HSPA12A: variants seen among roughly 807,000 people sequenced by gnomAD.
HSPA12A encodes the protein heat shock 70 kDa protein 12A.
A neutral mutation model predicts 69.2 loss-of-function variants in HSPA12A; 28 were observed. The ratio of observed to expected loss-of-function variants is 0.40; its 90% confidence interval spans 0.30 to 0.55. HSPA12A has a LOEUF of 0.55. HSPA12A is among the 20% of genes least tolerant of loss of function. The probability of loss-of-function intolerance (pLI) is 0.38; values close to 1 mark genes in which losing one functional copy is unlikely to be tolerated. For missense variants in HSPA12A, 686 were observed against 900.7 expected, an observed-to-expected ratio of 0.76 and a Z score of 3.05; for synonymous variants, 345 against 370.5, an observed-to-expected ratio of 0.93 and a Z score of 0.79.
intron 2 of HSPA12A, among the ~76,000 whole-genome samples, chr10:116,834,399 C>A (rs1339062739): frequency 6.6e-6 from 1 of 152,178 alleles, no homozygotes. Flanking sequence ...CTTTCTCAGT[C>A]TTTCTCTTTT....
chr10:116,737,698 C>G (rs1554886553), intron 1 of HSPA12A, among the ~76,000 whole-genome samples: 1 of 152,180 alleles, frequency 6.6e-6, no homozygotes, highest in Admixed American at 6.5e-5. Flanking sequence ...TCAGGATTGC[C>G]CAGAAGGGGT....
At chr10:116,685,048 T>C (rs1199109348) in intron 6 of HSPA12A, among the ~76,000 whole-genome samples, 2 of 152,332 alleles carry the variant, frequency 1.3e-5, no homozygotes, top group South Asian at 4.2e-4. Context: ...GCCAGCCCGA[T>C]GGACCACGGA....
At chr10:116,734,473 A>AC (rs1554886230) in intron 1 of HSPA12A, among the ~76,000 whole-genome samples, 1 of 149,334 alleles carries the variant, frequency 6.7e-6, no homozygotes, top group East Asian at 2.0e-4. Flanking sequence ...AAAAAGCAAA[A>AC]CCCATCCAGG....
At chr10:116,677,449 T>A (rs1238434633) in intron 10 of HSPA12A, among the ~76,000 whole-genome samples, 1 of 152,242 alleles carries the variant, frequency 6.6e-6, no homozygotes, top group African/African-American at 2.4e-5. Context: ...TGGTATGGAA[T>A]GACCCCATGG....
At chr10:116,834,067 A>G (rs938158949) in intron 2 of HSPA12A, among the ~76,000 whole-genome samples, 16 of 152,198 alleles carry the variant, frequency 1.1e-4, no homozygotes, top group Admixed American at 4.6e-4. Flanking sequence ...GCAGTAAAAG[A>G]AAAAGGATCA....
At chr10:116,833,647 C>T (rs982768810) in intron 2 of HSPA12A, among the ~76,000 whole-genome samples, 7 of 152,208 alleles carry the variant, frequency 4.6e-5, no homozygotes, top group African/African-American at 1.7e-4. Context: ...ATGTGACAGG[C>T]ACTGTCTATC....
At chr10:116,849,715 A>G (rs1205371814) in exon 1 of HSPA12A, 1 of 1,530,826 alleles carries the variant, frequency 6.5e-7, no homozygotes, top group East Asian at 2.5e-5. Flanking sequence ...CAGCCTGCCG[A>G]CGTCTACGGG....
chr10:116,711,239 C>T (rs1900508), intron 1 of HSPA12A, among the ~76,000 whole-genome samples: 85,767 of 151,920 alleles, frequency 0.56, 24,880 homozygotes, highest in South Asian at 0.71. Flanking sequence ...ACATCTCCCT[C>T]GGGACTACTC....
At position 116,737,924 on chromosome 10, in the gene HSPA12A, G is replaced by A. The variant is rs542907655; in HGVS notation, c.40+4506C>T. On this transcript the variant is annotated intron_variant, in intron 1 of 11. Coordinates refer to ENST00000369209, the MANE Select transcript of HSPA12A (RefSeq NM_025015.3). ...GAGCACTGCCTGTGCTTCCTTGGTC[G>A]TCTCCTCGCTGGCCCCGCTCACTCC... is the stretch of plus-strand genomic sequence containing the variant. Among the ~76,000 whole-genome samples the A allele has an allele frequency of 1.8e-4, 28 of 152,318 alleles. No individual in the cohort carries two copies. In the South Asian group the frequency reaches 2.7e-3, roughly 15 times the overall value.
At chr10:116,773,436 G>A (rs374004908) in intron 2 of HSPA12A, among the ~76,000 whole-genome samples, 4 of 152,240 alleles carry the variant, frequency 2.6e-5, no homozygotes, top group African/African-American at 7.2e-5. Context: ...GGAGCTGTGC[G>A]TCACTCAAAG....
intron 1 of HSPA12A, among the ~76,000 whole-genome samples, chr10:116,847,974 T>C (rs570981032): frequency 6.6e-6 from 1 of 152,304 alleles, no homozygotes; most frequent in African/African-American, 2.4e-5. Context: ...CGTGGCTTCT[T>C]TGATGTGGGA....
At chr10:116,773,619 C>CA (rs1554890731) in intron 2 of HSPA12A, among the ~76,000 whole-genome samples, 1 of 152,260 alleles carries the variant, frequency 6.6e-6, no homozygotes, top group Non-Finnish European at 1.5e-5. Context: ...ATTCCCTGGC[C>CA]AACCTGCCCA....
chr10:116,739,797 G>C (rs565933839), intron 1 of HSPA12A, among the ~76,000 whole-genome samples: 1 of 152,200 alleles, frequency 6.6e-6, no homozygotes, highest in East Asian at 1.9e-4. Context: ...AAAGTAAGCA[G>C]AATAGTAATG....
intron 2 of HSPA12A, among the ~76,000 whole-genome samples, chr10:116,795,495 A>G (rs867902252): frequency 1.3e-5 from 2 of 148,868 alleles, no homozygotes; most frequent in Non-Finnish European, 3.0e-5. Context: ...CTTGGCCAAC[A>G]TAGCGAAACC....
Position 116,697,633 on chromosome 10 carries a change from A to C in HSPA12A, c.546+1002T>G, listed in dbSNP as rs535407426. On this transcript the variant is annotated intron_variant, in intron 5 of 11. Transcript: ENST00000369209. The stretch of plus-strand genomic sequence containing the variant: ...GATCTTGGAAAGATTAAGTACCTTG[A>C]CCAAAATGGCACAGCTGCTAAGTAT... Among the ~76,000 whole-genome samples, 130 of 152,324 alleles carry C rather than the reference A, an allele frequency of 8.5e-4. 1 individual carries two copies. The South Asian group carries it at 0.011, about 13-fold the overall frequency.
rs1289030541 is a variant in HSPA12A, at chr10:116,766,369, C to G, written c.92-59084G>C. On this transcript the variant is annotated intron_variant, in intron 2 of 12. Transcript: ENST00000635765. The stretch of plus-strand genomic sequence containing the variant: ...GACAGGTGGTCGCCCTACCTGGGAG[C>G]AAAGTGGCTACTGGCTTGGAGAGGA... Among the ~76,000 whole-genome samples, 3 of 152,050 alleles carry G rather than the reference C, an allele frequency of 2.0e-5. No homozygotes were observed. In the East Asian group the frequency reaches 5.8e-4, roughly 29 times the overall value.
At chr10:116,716,464 G>T (rs573128051) in intron 1 of HSPA12A, among the ~76,000 whole-genome samples, 1 of 151,566 alleles carries the variant, frequency 6.6e-6, no homozygotes, top group Non-Finnish European at 1.5e-5. Flanking sequence ...GGGGTGGGGG[G>T]TGTGTATGTG....
intron 7 of HSPA12A, 121 bp from the exon 8 acceptor site, chr10:116,681,998 A>G: frequency 2.4e-6 from 2 of 818,698 alleles, no homozygotes; most frequent in East Asian, 5.1e-5. Context: ...GTGACATTTG[A>G]CCAAAATAAG....
At chr10:116,682,764 G>A (rs944564202) in intron 7 of HSPA12A, among the ~76,000 whole-genome samples, 1 of 151,918 alleles carries the variant, frequency 6.6e-6, no homozygotes, top group African/African-American at 2.4e-5. Context: ...GCAGTGGTGC[G>A]ATCTCGGCTC....
Sources: gnomAD v4.1 joint callset for allele counts (sites outside exome capture counted in the v4.1 genomes callset) on GRCh38, gnomAD v4.1.1 for gene constraint, MANE v1.5 for transcripts, NCBI Gene and HGNC (gene_info 2026-07-23, HGNC 2026-07-21) for gene names.